The following CEP350 variants were observed in gnomAD, a reference collection of about 807,000 sequenced individuals.
CEP350 encodes the protein centrosomal protein 350.
Under a neutral mutation model 331.8 loss-of-function variants are expected in CEP350, and 126 were observed. The observed-to-expected ratio is 0.38, with a 90% CI of 0.33 to 0.44. CEP350 has a LOEUF of 0.44. Among genes scored for constraint, CEP350 ranks in the 20% least tolerant of loss-of-function variants. CEP350 has a pLI of 1.00. For missense variants in CEP350, 3,406 were observed against 3,634.6 expected (o/e 0.94, Z 1.62); for synonymous variants, 1,200 against 1,259.5 (o/e 0.95, Z 1.00).
At chr1:180,070,232 G>A (rs566794145) in intron 27 of CEP350, among the ~76,000 whole-genome samples, 1 of 152,092 alleles carries the variant, frequency 6.6e-6, no homozygotes, top group Non-Finnish European at 1.5e-5. Flanking sequence ...CTTCTGTGAA[G>A]GTATTAAGAT....
In CEP350 at chr1:180,048,528, A is replaced by AT; in HGVS notation, c.4623-7dup. 6.3e-7 allele frequency: 1 copy of AT among 1,580,478 alleles called. No homozygotes were observed. The highest frequency in any genetic ancestry group is 8.6e-7 in the Non-Finnish European group (1 of 1,158,938). On this transcript the variant is annotated splice_polypyrimidine_tract_variant and splice_region_variant and intron_variant, in intron 21 of 37. Transcript: ENST00000367607. ...TTGTTGTTGTTGTTTCCATGTATCCATAAAAAGAAGTAGCAGTGGTAGCAG... is the reference window on the plus strand; with the variant it reads ...TTGTTGTTGTTGTTTCCATGTATCCATTAAAAAGAAGTAGCAGTGGTAGCAG...
At chr1:179,984,915 T>C (rs908034884) in intron 1 of CEP350, among the ~76,000 whole-genome samples, 5 of 152,238 alleles carry the variant, frequency 3.3e-5, no homozygotes, top group East Asian at 3.8e-4. Flanking sequence ...GTATTACTTA[T>C]CACTGAGCTA....
chr1:180,033,164 C>T (rs1656129399), intron 15 of CEP350, among the ~76,000 whole-genome samples: 1 of 152,074 alleles, frequency 6.6e-6, no homozygotes, highest in African/African-American at 2.4e-5. Flanking sequence ...TGCAAGGCAA[C>T]ATGCTTGATG....
intron 25 of CEP350, among the ~76,000 whole-genome samples, chr1:180,055,483 GTTGT>G (rs574411345): frequency 1.4e-5 from 2 of 145,634 alleles, no homozygotes; most frequent in South Asian, 4.6e-4. Flanking sequence ...TTATTACTTA[GTTGT>G]ATGTTTATCC....
chr1:180,102,394 C>A (rs1442097869), intron 37 of CEP350, among the ~76,000 whole-genome samples: 1 of 152,144 alleles, frequency 6.6e-6, no homozygotes, highest in Non-Finnish European at 1.5e-5. Flanking sequence ...TCTCGGCCTC[C>A]CAAAGTGCTG....
intron 1 of CEP350, among the ~76,000 whole-genome samples, chr1:179,955,979 T>C (rs556530835): frequency 2.0e-5 from 3 of 152,316 alleles, no homozygotes; most frequent in Admixed American, 6.5e-5. Context: ...TTGAAGAGTT[T>C]TAAAAGAAAG....
intron 30 of CEP350, among the ~76,000 whole-genome samples, chr1:180,080,914 C>T (rs542490008): frequency 1.3e-5 from 2 of 152,188 alleles, no homozygotes; most frequent in African/African-American, 4.8e-5. Context: ...GGCTGGAGTG[C>T]AGTGGTGCGA....
chr1:180,043,342 T>TA (rs1291019599), intron 20 of CEP350, 150 bp downstream of exon 20: 11 of 939,236 alleles, frequency 1.2e-5, no homozygotes, highest in Non-Finnish European at 1.7e-5. Context: ...AGATAAACAT[T>TA]ACTCAAATAT....
At chr1:179,996,108 T>A (rs999159787) in intron 5 of CEP350, among the ~76,000 whole-genome samples, 8 of 152,222 alleles carry the variant, frequency 5.3e-5, no homozygotes, top group Non-Finnish European at 8.8e-5. Flanking sequence ...TCTTATTTTA[T>A]AATATGCAGA....
chr1:180,002,047 A>G (rs1234988281), intron 6 of CEP350, among the ~76,000 whole-genome samples: 1 of 152,238 alleles, frequency 6.6e-6, no homozygotes, highest in Non-Finnish European at 1.5e-5. Context: ...GGGGAGTATG[A>G]ATCAAAACCA....
At chr1:179,984,370 A>G (rs1443393383) in intron 1 of CEP350, among the ~76,000 whole-genome samples, 1 of 152,210 alleles carries the variant, frequency 6.6e-6, no homozygotes, top group African/African-American at 2.4e-5. Flanking sequence ...TCAGGATGTC[A>G]GGTAGAGCTG....
At chr1:180,019,855 C>G in intron 11 of CEP350, 94 bp from the exon 12 acceptor site, 1 of 1,008,238 alleles carries the variant, frequency 9.9e-7, no homozygotes, top group Non-Finnish European at 1.4e-6. Context: ...TTTTTTGTTG[C>G]AGTGCATCCT....
At chr1:179,961,014 G>C (rs894001232) in intron 1 of CEP350, among the ~76,000 whole-genome samples, 17 of 152,066 alleles carry the variant, frequency 1.1e-4, no homozygotes, top group Middle Eastern at 3.4e-3. Flanking sequence ...TATTTTCCAT[G>C]TTCTGTGCTC....
At chr1:179,994,713 C>G (rs933244854) in intron 5 of CEP350, among the ~76,000 whole-genome samples, 2 of 152,148 alleles carry the variant, frequency 1.3e-5, no homozygotes, top group African/African-American at 4.8e-5. Flanking sequence ...CTTGGTCTCT[C>G]CAAGTGCTGA....
At chr1:179,988,039 G>A (rs1652765975) in intron 3 of CEP350, among the ~76,000 whole-genome samples, 1 of 152,094 alleles carries the variant, frequency 6.6e-6, no homozygotes, top group Non-Finnish European at 1.5e-5. Context: ...GGCTCATCCT[G>A]TAATCCCAGC....
intron 15 of CEP350, among the ~76,000 whole-genome samples, chr1:180,032,946 G>A (rs1171863074): frequency 6.6e-6 from 1 of 151,884 alleles, no homozygotes; most frequent in African/African-American, 2.4e-5. Flanking sequence ...GAAAATTAAG[G>A]GTCAAATAAA....
intron 37 of CEP350, among the ~76,000 whole-genome samples, chr1:180,099,780 A>ATTTT (rs200255438): frequency 4.6e-4 from 55 of 119,498 alleles, no homozygotes; most frequent in South Asian, 1.3e-3. Flanking sequence ...GCCTTATTTG[A>ATTTT]TTTTTTTTTT....
chr1:179,961,435 G>A (rs560886043), intron 1 of CEP350, among the ~76,000 whole-genome samples: 1 of 152,138 alleles, frequency 6.6e-6, no homozygotes, highest in African/African-American at 2.4e-5. Flanking sequence ...GCGACAGAGA[G>A]ACTGTGTCTC....
At chr1:180,080,958 CA>C (rs1659531270) in intron 30 of CEP350, among the ~76,000 whole-genome samples, 1 of 152,034 alleles carries the variant, frequency 6.6e-6, no homozygotes, top group South Asian at 2.1e-4. Context: ...CTCCCAGGGT[CA>C]AGCAATTCTC....
Sources: gnomAD v4.1 joint callset for allele counts (sites outside exome capture counted in the v4.1 genomes callset) on GRCh38, gnomAD v4.1.1 for gene constraint, MANE v1.5 for transcripts, NCBI Gene and HGNC (gene_info 2026-07-23, HGNC 2026-07-21) for gene names.